FN1: variants seen among roughly 807,000 people sequenced by gnomAD.
FN1 encodes the protein fibronectin.
FN1 carries 106 observed loss-of-function variants against 297.3 expected under a neutral mutation model. That is an observed-to-expected ratio of 0.36 (90% CI 0.30 to 0.42). FN1 has a LOEUF of 0.42. FN1 is among the 10% of genes least tolerant of loss of function. FN1 has a pLI of 1.00. For missense variants in FN1, 2,690 were observed against 3,124.9 expected (o/e 0.86, Z 3.32); for synonymous variants, 1,149 against 1,152.6 (o/e 1.00, Z 0.06).
In FN1 at chr2:215,392,013, C is replaced by T. The variant is rs896138520; in HGVS notation, c.4070-199G>A. The T allele has an allele frequency of 3.2e-5, 18 of 570,390 alleles. No homozygotes were observed. In the African/African-American group the frequency reaches 3.2e-4, roughly 10 times the overall value. 35.3% of individuals were successfully genotyped at this position (570,390 alleles called of 1,614,324 possible). A position where few individuals can be genotyped will look rare whatever the true frequency, so the allele number is the denominator to read the frequency against. On this transcript the variant is annotated intron_variant, in intron 25 of 45. Transcript: ENST00000354785. ...ACACTACACACAGTACTGTTAGGCC[C>T]CCTTTAACCTTTTTGCCATCATTGA...
At chr2:215,421,997 C>T in intron 10 of FN1, 94 bp downstream of exon 10, 1 of 1,193,258 alleles carries the variant, frequency 8.4e-7, no homozygotes, top group Admixed American at 1.7e-5. Flanking sequence ...TATTTCTTCC[C>T]CTGCTTTTGG....
intron 13 of FN1, among the ~76,000 whole-genome samples, chr2:215,411,529 T>C (rs1341078588): frequency 6.6e-6 from 1 of 152,180 alleles, no homozygotes; most frequent in Non-Finnish European, 1.5e-5. Flanking sequence ...GCTTGTTTGG[T>C]TAGTTATTAC....
intron 33 of FN1, chr2:215,380,085 G>A (rs977286140): frequency 6.6e-6 from 1 of 152,282 alleles, no homozygotes; most frequent in Non-Finnish European, 1.5e-5. Context: ...TGTTTTTATT[G>A]TCTCTTTATT....
intron 29 of FN1, 55 bp from the exon 30 acceptor site, chr2:215,384,239 T>C: frequency 6.5e-7 from 1 of 1,530,096 alleles, no homozygotes; most frequent in Non-Finnish European, 9.1e-7. Context: ...ACTTGGGTAT[T>C]ACTGATTAAT....
chr2:215,427,308 A>G lies in FN1; in HGVS notation c.844+872T>C, dbSNP rs751845663. 1.2e-4 allele frequency among the ~76,000 whole-genome samples: 19 copies of G among 152,304 alleles called. No individual in the cohort carries two copies. The South Asian group carries it at 1.5e-3, about 12-fold the overall frequency. ...GACAAAAACTCATCAAAAGAAGAAA[A>G]ATTAGAACAATTAATATTTTTAATT... On this transcript the variant is annotated intron_variant, in intron 6 of 45. Coordinates refer to ENST00000354785, the MANE Select transcript of FN1 (RefSeq NM_212482.4).
intron 6 of FN1, among the ~76,000 whole-genome samples, chr2:215,427,310 T>A (rs1397939543): frequency 6.6e-6 from 1 of 151,970 alleles, no homozygotes; most frequent in Non-Finnish European, 1.5e-5. Flanking sequence ...AGAAGAAAAA[T>A]TAGAACAATT....
At position 215,376,605 on chromosome 2, in the gene FN1, G is replaced by A; in HGVS notation, c.5780C>T (p.Thr1927Ile). 1 of 1,613,964 alleles carries A rather than the reference G, an allele frequency of 6.2e-7. No homozygotes were observed. The highest frequency in any genetic ancestry group is 1.1e-5 in the South Asian group (1 of 91,060). The change falls in exon 36 of 46, where the codon ACC (threonine) becomes ATC (isoleucine). Residue 1927 changes from threonine to isoleucine, a missense_variant. Coordinates refer to ENST00000354785, the MANE Select transcript of FN1 (RefSeq NM_212482.4). The stretch of plus-strand genomic sequence containing the variant: ...GAAGCCAGTGATCGTCTCAGTCTTG[G>A]TTCTCCAGCTAATGGTGATGGTGGT... ...TETTITISWRTKTETITGFQV... is the reference protein window; with the variant it reads ...TETTITISWRIKTETITGFQV...
At chr2:215,428,488 T>C in intron 5 of FN1, 150 bp from the exon 6 acceptor site, 1 of 732,340 alleles carries the variant, frequency 1.4e-6, no homozygotes, top group South Asian at 1.5e-5. Context: ...ATTACACTTC[T>C]GAAAGATGAA....
At position 215,375,270 on chromosome 2, in the gene FN1, G is replaced by A; in HGVS notation, c.6101C>T (p.Pro2034Leu). ...YIIKYEKPGSPPREVVPRPRP... is the reference protein window; with the variant it reads ...YIIKYEKPGSLPREVVPRPRP... ...GGGCCGAGGGACCACTTCTCTGGGA[G>A]GAGACCCAGGCTTCTCATACTTGAT... Residue 2034 changes from proline (P) to leucine (L), a missense_variant, in exon 38 of 46, where the codon CCT (proline) becomes CTT (leucine). By Grantham distance (98) the Pro-to-Leu change is moderately conservative. Transcript: ENST00000354785. 1.2e-6 allele frequency: 2 copies of A among 1,614,162 alleles called. No individual in the cohort carries two copies. The highest frequency in any genetic ancestry group is 1.7e-6 in the Non-Finnish European group (2 of 1,180,018).
intron 21 of FN1, among the ~76,000 whole-genome samples, 183 bp downstream of exon 21, chr2:215,399,074 A>G (rs995608017): frequency 6.6e-6 from 1 of 152,172 alleles, no homozygotes; most frequent in Admixed American, 6.6e-5. Context: ...TACCCTTCCA[A>G]CAATTCAGTG....
Position 215,424,228 on chromosome 2 carries a change from C to T in FN1, c.1134G>A (p.Gly378=), listed in dbSNP as rs2106441204. The T allele has an allele frequency of 6.2e-7, 1 of 1,614,178 alleles. No individual in the cohort carries two copies. Among genetic ancestry groups the T allele is most frequent in the Non-Finnish European group, 8.5e-7 (1 of 1,180,008 alleles). Residue 378 remains glycine (G), a synonymous_variant, in exon 8 of 46, where the codon GGG becomes GGA. Transcript: ENST00000354785. ...GRTFYSCTTE[G]RQDGHLWCST... is the part of the protein sequence containing the mutation. ...TGCACCAAAGATGTCCGTCCTGTCG[C>T]CCTTCTGTGGTGCAGGAGTAGAACG... is the stretch of plus-strand genomic sequence containing the variant.
chr2:215,367,937 A>G lies in FN1; in HGVS notation c.6944T>C (p.Met2315Thr), dbSNP rs1460887421. 1.2e-6 allele frequency: 2 copies of G among 1,613,964 alleles called. No individual in the cohort carries two copies. The highest frequency in any genetic ancestry group is 1.3e-5 in the African/African-American group (1 of 74,940). The change falls in exon 42 of 46, where the codon ATG becomes ACG. Residue 2315 changes from methionine (M) to threonine (T), a missense_variant. By Grantham distance (81) the Met-to-Thr change is moderately conservative. Coordinates refer to ENST00000354785, the MANE Select transcript of FN1 (RefSeq NM_212482.4). ...CAACAGTTTAAAGCCTGATTCAGACATTCGTTCCCACTCATCTCCAACGGC... is the reference window on the plus strand; with the variant it reads ...CAACAGTTTAAAGCCTGATTCAGACGTTCGTTCCCACTCATCTCCAACGGC... ...HYAVGDEWER[M>T]SESGFKLLCQ...
chr2:215,366,518 A>G (rs1157636299), intron 42 of FN1, among the ~76,000 whole-genome samples: 1 of 152,236 alleles, frequency 6.6e-6, no homozygotes, highest in Admixed American at 6.5e-5. Flanking sequence ...ACATCAAATA[A>G]GTCTGGTTCT....
intron 21 of FN1, 89 bp downstream of exon 21, chr2:215,399,168 T>C (rs986684098): frequency 1.0e-6 from 1 of 970,894 alleles, no homozygotes; most frequent in Admixed American, 1.7e-5. Context: ...CCAGGTCTCC[T>C]GACTCCTGAG....
chr2:215,369,090 G>A (rs973127942), intron 41 of FN1, among the ~76,000 whole-genome samples: 1 of 151,958 alleles, frequency 6.6e-6, no homozygotes, highest in African/African-American at 2.4e-5. Flanking sequence ...GTAGAATACT[G>A]CTGCTGGGAA....
At chr2:215,421,263 G>C (rs1352638243) in intron 10 of FN1, 1 of 234,786 alleles carries the variant, frequency 4.3e-6, no homozygotes, top group Non-Finnish European at 8.5e-6. Flanking sequence ...ACTTAGATTT[G>C]GGAAATAAAA....
At chr2:215,368,991 T>A (rs1202728032) in intron 41 of FN1, among the ~76,000 whole-genome samples, 1 of 152,176 alleles carries the variant, frequency 6.6e-6, no homozygotes, top group Non-Finnish European at 1.5e-5. Flanking sequence ...GGTGCCTAAT[T>A]TTTAAAAGGT....
intron 40 of FN1, 106 bp from the exon 41 acceptor site, chr2:215,370,538 G>GAA: frequency 7.6e-6 from 3 of 393,378 alleles, no homozygotes; most frequent in Admixed American, 5.9e-5. Flanking sequence ...AGCAAAGGAA[G>GAA]ACAAAAAACA....
intron 26 of FN1, among the ~76,000 whole-genome samples, chr2:215,388,664 C>A (rs1203958635): frequency 6.6e-6 from 1 of 152,218 alleles, no homozygotes; most frequent in African/African-American, 2.4e-5. Context: ...TGTGGATTGC[C>A]ATTTATGCCT....
Sources: allele counts gnomAD v4.1 joint callset (sites outside exome capture counted in the v4.1 genomes callset), GRCh38; gene constraint gnomAD v4.1.1; transcripts MANE v1.5; gene names NCBI Gene and HGNC (gene_info 2026-07-23, HGNC 2026-07-21).